Variants in ANK3 observed in about 807,000 individuals in gnomAD.
ANK3 encodes the protein ankyrin-3.
ANK3 carries 57 observed loss-of-function variants against 370.9 expected under a neutral mutation model. The ratio of observed to expected loss-of-function variants is 0.15; its 90% CI spans 0.12 to 0.19. The LOEUF (loss-of-function observed/expected upper bound fraction) is 0.19. Ranked by LOEUF, ANK3 falls within the 10% of genes least tolerant of loss-of-function variation. ANK3 has a pLI of 1.00. For missense variants in ANK3, 4,439 were observed against 5,302.1 expected, an observed-to-expected ratio of 0.84 and a Z score of 5.06; for synonymous variants, 1,929 against 1,946.3, an observed-to-expected ratio of 0.99 and a Z score of 0.23.
intron 7 of ANK3, among the ~76,000 whole-genome samples, chr10:60,258,963 T>C (rs2097770675): frequency 6.6e-6 from 1 of 152,212 alleles, no homozygotes; most frequent in East Asian, 1.9e-4. Flanking sequence ...TTGCAGCCAA[T>C]TCTTAGCAAA....
rs777814113 is a variant in ANK3, at chr10:60,071,470, C to A, written c.9411G>T (p.Gln3137His). 2 of 1,613,816 alleles carry A rather than the reference C, an allele frequency of 1.2e-6. No individual in the cohort carries two copies. Among genetic ancestry groups the A allele is most frequent in the African/African-American group, 2.7e-5 (2 of 74,868 alleles). ...CTTGGGGAGAAGGAGGTTGCTTTTG[C>A]TGTCTAGTTGTATAAAAGGTCCCCC... ...ETRGTFYTTR[Q>H]QKQPPSPQGS... Residue 3137 changes from glutamine to histidine, a missense_variant, in exon 37 of 44, where the codon CAG becomes CAT. Coordinates refer to ENST00000280772, the MANE Select transcript of ANK3 (RefSeq NM_020987.5).
At chr10:60,081,502 C>T in intron 35 of ANK3, 1 of 443,616 alleles carries the variant, frequency 2.3e-6, no homozygotes, top group Non-Finnish European at 4.5e-6. Context: ...CATTAGGAGA[C>T]AACTTAATTG....
intron 23 of ANK3, among the ~76,000 whole-genome samples, chr10:60,166,303 A>T (rs1429651529): frequency 6.6e-6 from 1 of 152,190 alleles, no homozygotes; most frequent in African/African-American, 2.4e-5. Context: ...CAATAAAAGC[A>T]TCAGTATTCT....
chr10:60,483,834 A>G (rs1050298579), intron 2 of ANK3, among the ~76,000 whole-genome samples: 62 of 152,292 alleles, frequency 4.1e-4, no homozygotes, highest in African/African-American at 1.3e-3. Flanking sequence ...GAGAGTCTCT[A>G]TTTATTCTTA....
At chr10:60,207,428 GCTTA>G (rs1291132831) in intron 10 of ANK3, among the ~76,000 whole-genome samples, 1 of 152,138 alleles carries the variant, frequency 6.6e-6, no homozygotes, top group African/African-American at 2.4e-5. Flanking sequence ...GAAATAGACA[GCTTA>G]CTAATTTGGG....
chr10:60,515,681 C>T (rs1037679402), intron 2 of ANK3, among the ~76,000 whole-genome samples: 3 of 152,122 alleles, frequency 2.0e-5, no homozygotes, highest in African/African-American at 4.8e-5. Context: ...TGCTCGAGTG[C>T]CACCAGGGTT....
intron 7 of ANK3, among the ~76,000 whole-genome samples, chr10:60,248,335 G>A (rs774654617): frequency 2.6e-5 from 4 of 151,940 alleles, no homozygotes; most frequent in Non-Finnish European, 4.4e-5. Context: ...TGCCAAGACC[G>A]GCTATTTTCT....
At chr10:60,496,352 T>C (rs768118178) in intron 2 of ANK3, among the ~76,000 whole-genome samples, 36 of 152,208 alleles carry the variant, frequency 2.4e-4, no homozygotes, top group Non-Finnish European at 5.9e-5. Flanking sequence ...GTACTCATGA[T>C]GACAGAATTG....
chr10:60,612,266 T>C (rs1026989600), intron 2 of ANK3, among the ~76,000 whole-genome samples: 4 of 151,976 alleles, frequency 2.6e-5, no homozygotes, highest in Non-Finnish European at 4.4e-5. Context: ...TTCTTTGAAA[T>C]TATGACAAGA....
At chr10:60,392,148 G>A (rs917022837), upstream of ANK3, among the ~76,000 whole-genome samples, 5 of 152,044 alleles carry the variant, frequency 3.3e-5, 1 homozygote, top group Non-Finnish European at 7.4e-5. Context: ...AGCTCCTTGT[G>A]TACTTATTCT....
At chr10:60,132,023 G>A (rs2094101390) in intron 25 of ANK3, among the ~76,000 whole-genome samples, 2 of 152,070 alleles carry the variant, frequency 1.3e-5, no homozygotes, top group South Asian at 4.1e-4. Flanking sequence ...GAGAATAACA[G>A]GCATTTTTAT....
chr10:60,318,578 G>A (rs549998668), intron 1 of ANK3, among the ~76,000 whole-genome samples: 1 of 152,180 alleles, frequency 6.6e-6, no homozygotes, highest in East Asian at 1.9e-4. Flanking sequence ...CAATGTCACA[G>A]GATTTAGTGG....
chr10:60,030,131 G>T (rs12253184), intron 43 of ANK3, among the ~76,000 whole-genome samples: 1 of 151,586 alleles, frequency 6.6e-6, no homozygotes, highest in Non-Finnish European at 1.5e-5. Context: ...AATTGCACCA[G>T]ACCACCTGGT....
intron 1 of ANK3, among the ~76,000 whole-genome samples, chr10:60,670,808 T>C (rs184296783): frequency 6.6e-6 from 1 of 152,326 alleles, no homozygotes; most frequent in Non-Finnish European, 1.5e-5. Context: ...TCTGGCCAAT[T>C]GACTCCAAGT....
At chr10:60,264,052 C>T in intron 5 of ANK3, 32 bp from the exon 6 acceptor site, 5 of 1,551,084 alleles carry the variant, frequency 3.2e-6, no homozygotes, top group Non-Finnish European at 2.6e-6. Flanking sequence ...AAGATGGGCT[C>T]CAATGAATAT....
At chr10:60,277,679 CAG>C (rs2098111641) in intron 4 of ANK3, among the ~76,000 whole-genome samples, 1 of 150,506 alleles carries the variant, frequency 6.6e-6, no homozygotes, top group Admixed American at 6.6e-5. Context: ...CTAATACTGC[CAG>C]AGTGTGCCAT....
intron 1 of ANK3, among the ~76,000 whole-genome samples, chr10:60,648,636 G>A (rs2078744540): frequency 2.6e-5 from 4 of 151,184 alleles, no homozygotes; most frequent in African/African-American, 7.3e-5. Flanking sequence ...CAGGTGTGGT[G>A]GCGTGTGCCT....
At chr10:60,363,721 T>C (rs538410245) in intron 1 of ANK3, among the ~76,000 whole-genome samples, 13 of 152,180 alleles carry the variant, frequency 8.5e-5, no homozygotes, top group Non-Finnish European at 1.6e-4. Context: ...ATGTCAAAAG[T>C]ACCAAAACAA....
chr10:60,269,648 TCCC>T (rs71836520), intron 5 of ANK3, among the ~76,000 whole-genome samples: 7 of 110,018 alleles, frequency 6.4e-5, no homozygotes, highest in East Asian at 2.8e-4. Flanking sequence ...CCATCCCCCC[TCCC>T]CCCCCCCAAA....
Sources: allele counts gnomAD v4.1 joint callset (sites outside exome capture counted in the v4.1 genomes callset), GRCh38; gene constraint gnomAD v4.1.1; transcripts MANE v1.5; gene names NCBI Gene and HGNC (gene_info 2026-07-23, HGNC 2026-07-21).